The following SOX6 variants were observed in gnomAD, a reference collection of about 807,000 sequenced individuals.
SOX6 encodes transcription factor SOX-6.
Under a neutral mutation model 97.8 loss-of-function variants are expected in SOX6, and 11 were observed. That is an observed-to-expected ratio of 0.11 (90% CI 0.07 to 0.19). SOX6 has a LOEUF of 0.19. Among genes scored for constraint, SOX6 ranks in the 10% least tolerant of loss-of-function variants. The probability of loss-of-function intolerance (pLI) is 1.00; values close to 1 mark genes in which losing one functional copy is unlikely to be tolerated. For synonymous variants in SOX6, 360 were observed against 371.4 expected (o/e 0.97, Z 0.35); for missense variants, 810 against 1,039.5 (o/e 0.78, Z 3.04).
At chr11:16,041,516 G>T (rs1368422977) in intron 12 of SOX6, among the ~76,000 whole-genome samples, 2 of 151,964 alleles carry the variant, frequency 1.3e-5, no homozygotes, top group Non-Finnish European at 2.9e-5. Flanking sequence ...TAAATAAATG[G>T]GAACAAGTTT....
At position 16,514,651 on chromosome 11, in the gene SOX6, T is replaced by A. The variant is rs989523050; in HGVS notation, n.610-38263A>T. Among the ~76,000 whole-genome samples the A allele has an allele frequency of 1.2e-4, 18 of 150,524 alleles. 1 individual carries two copies. The highest frequency in any genetic ancestry group is 5.3e-4 in the Admixed American group (8 of 15,090). On this transcript the variant is annotated intron_variant and non_coding_transcript_variant, in intron 4 of 5. Transcript: ENST00000524520. The stretch of plus-strand genomic sequence containing the variant: ...ACACTGGTGCGCTGCACCCACTAAC[T>A]CGTCATCTAGCATTAGGTATATCTC...
intron 9 of SOX6, among the ~76,000 whole-genome samples, chr11:16,063,932 T>C (rs1041491120): frequency 6.6e-6 from 1 of 151,574 alleles, no homozygotes. Context: ...TTGTTCCTAG[T>C]CATCAGAAAA....
At chr11:16,138,505 A>C (rs1767137769) in intron 6 of SOX6, among the ~76,000 whole-genome samples, 1 of 151,962 alleles carries the variant, frequency 6.6e-6, no homozygotes, top group African/African-American at 2.4e-5. Context: ...TGATCTTTAT[A>C]ACCTTAAAAA....
chr11:16,696,049 T>G (rs1283163164), intron 3 of SOX6, among the ~76,000 whole-genome samples: 1 of 152,100 alleles, frequency 6.6e-6, no homozygotes, highest in East Asian at 1.9e-4. Context: ...ACAAACAGAA[T>G]CCAACAACTA....
intron 1 of SOX6, among the ~76,000 whole-genome samples, chr11:16,422,761 T>C (rs1238016158): frequency 6.6e-6 from 1 of 152,158 alleles, no homozygotes; most frequent in African/African-American, 2.4e-5. Context: ...GGAAAAATTT[T>C]GCCAACTCAC....
chr11:16,226,474 C>A (rs2351958), intron 4 of SOX6, among the ~76,000 whole-genome samples: 64,965 of 151,790 alleles, frequency 0.43, 14,192 homozygotes, highest in South Asian at 0.6. Flanking sequence ...AGGAAATGCC[C>A]GACACAGCAC....
chr11:16,039,542 C>G (rs1412547795), intron 12 of SOX6, among the ~76,000 whole-genome samples: 1 of 151,958 alleles, frequency 6.6e-6, no homozygotes, highest in Non-Finnish European at 1.5e-5. Context: ...CTTATTCATT[C>G]TTATTCTCTC....
intron 2 of SOX6, among the ~76,000 whole-genome samples, chr11:16,333,983 T>C (rs1220961861): frequency 6.6e-6 from 1 of 152,136 alleles, no homozygotes; most frequent in African/African-American, 2.4e-5. Flanking sequence ...TAGGAGAACG[T>C]TGGCTGACTC....
chr11:16,604,589 C>G (rs1050752600), intron 4 of SOX6, among the ~76,000 whole-genome samples: 5 of 152,260 alleles, frequency 3.3e-5, no homozygotes, highest in African/African-American at 9.6e-5. Flanking sequence ...GCGGGAGGTC[C>G]GGAGCCCAGC....
intron 3 of SOX6, among the ~76,000 whole-genome samples, chr11:16,239,050 T>A (rs1853106792): frequency 1.3e-5 from 2 of 152,078 alleles, no homozygotes; most frequent in Admixed American, 1.3e-4. Flanking sequence ...CCCCACTGAT[T>A]ATCCATCTCA....
intron 3 of SOX6, among the ~76,000 whole-genome samples, chr11:16,236,856 C>A (rs2134179231): frequency 6.6e-6 from 1 of 152,048 alleles, no homozygotes; most frequent in African/African-American, 2.4e-5. Context: ...GTGGACACAG[C>A]TTTATATAAA....
At chr11:16,241,994 C>T (rs1853208990) in intron 3 of SOX6, among the ~76,000 whole-genome samples, 1 of 151,942 alleles carries the variant, frequency 6.6e-6, no homozygotes, top group Admixed American at 6.6e-5. Context: ...TGGGTTTCTG[C>T]AAGTTGCAAC....
intron 4 of SOX6, among the ~76,000 whole-genome samples, chr11:16,230,391 T>C (rs1014555946): frequency 6.6e-6 from 1 of 151,738 alleles, no homozygotes; most frequent in African/African-American, 2.4e-5. Flanking sequence ...TATTGAAATA[T>C]GACTACACCT....
At chr11:16,571,827 A>G (rs928692884) in intron 4 of SOX6, among the ~76,000 whole-genome samples, 1 of 151,852 alleles carries the variant, frequency 6.6e-6, no homozygotes, top group Non-Finnish European at 1.5e-5. Flanking sequence ...AATTTTTTGT[A>G]TTTTTACTAG....
intron 1 of SOX6, chr11:16,397,321 A>T (rs1192915078): frequency 2.6e-5 from 4 of 151,968 alleles, no homozygotes. Context: ...TCTCATTAAC[A>T]AACAGATTTA....
At chr11:16,419,361 T>C (rs1361150615) in intron 1 of SOX6, among the ~76,000 whole-genome samples, 3 of 152,156 alleles carry the variant, frequency 2.0e-5, no homozygotes, top group Admixed American at 6.5e-5. Context: ...ATTACAGTTA[T>C]ATGCTTTTCC....
intron 4 of SOX6, among the ~76,000 whole-genome samples, chr11:16,210,339 C>T (rs1474820522): frequency 6.6e-6 from 1 of 152,082 alleles, no homozygotes; most frequent in Non-Finnish European, 1.5e-5. Flanking sequence ...CATGCTACAA[C>T]ATGGATGAGC....
Position 16,561,926 on chromosome 11 carries a change from T to C in SOX6, n.609+50155A>G, listed in dbSNP as rs181839648. Among the ~76,000 whole-genome samples the C allele has an allele frequency of 1.1e-4, 16 of 151,940 alleles. No homozygotes were observed. In the East Asian group the frequency reaches 2.9e-3, roughly 28 times the overall value. The stretch of plus-strand genomic sequence containing the variant: ...TTTTTTCATAGAGACAGAAACTTGC[T>C]ATGTTGCCCAGGCAGGTCTCTAACT... On this transcript the variant is annotated intron_variant and non_coding_transcript_variant, in intron 4 of 5. Transcript: ENST00000524520.
chr11:16,170,658 T>A (rs374638382), intron 6 of SOX6, among the ~76,000 whole-genome samples: 170 of 152,088 alleles, frequency 1.1e-3, no homozygotes, highest in African/African-American at 3.9e-3. Flanking sequence ...ATTCAATACA[T>A]TTTGTCCCTT....
Sources: gnomAD v4.1 joint callset for allele counts (sites outside exome capture counted in the v4.1 genomes callset) on GRCh38, gnomAD v4.1.1 for gene constraint, MANE v1.5 for transcripts, NCBI Gene and HGNC (gene_info 2026-07-23, HGNC 2026-07-21) for gene names.